CCNK: variants seen among roughly 807,000 people sequenced by gnomAD.
CCNK encodes the protein cyclin K.
A neutral mutation model predicts 65.0 loss-of-function variants in CCNK; 9 were observed. The ratio of observed to expected loss-of-function variants is 0.14; its 90% confidence interval spans 0.08 to 0.24. The LOEUF is 0.24. Ranked by LOEUF, CCNK falls within the 10% of genes least tolerant of loss-of-function variation. CCNK has a pLI of 1.00. For missense variants in CCNK, 474 were observed against 720.0 expected (o/e 0.66, Z 3.91); for synonymous variants, 279 against 270.8 (o/e 1.03, Z -0.30).
At chr14:99,494,852 C>T (rs984979982) in intron 3 of CCNK, 2 of 152,252 alleles carry the variant, frequency 1.3e-5, no homozygotes, top group African/African-American at 4.8e-5. Flanking sequence ...GTTTGTTCCT[C>T]ATAAAAGGGC....
In CCNK at chr14:99,507,112, C is replaced by G. The variant is rs901901957; in HGVS notation, c.1082C>G (p.Thr361Ser). ...PPPKIPKIET[T>S]HPPLPPAHPP... Reference sequence around the variant, plus strand: ...CCTAAAATCCCCAAAATTGAGACCACTCATCCACCGTTGCCTCCAGCCCAC... The same window carrying G: ...CCTAAAATCCCCAAAATTGAGACCAGTCATCCACCGTTGCCTCCAGCCCAC... The change falls in exon 10 of 11, where the codon ACT becomes AGT. Residue 361 changes from threonine to serine, a missense_variant. This residue lies in a region of CCNK where 229 missense variants were observed against 275.5 expected (regional missense o/e 0.83). Transcript: ENST00000389879. 3 of 1,612,528 alleles carry G rather than the reference C, an allele frequency of 1.9e-6. No individual in the cohort carries two copies. Among genetic ancestry groups the G allele is most frequent in the Non-Finnish European group, 2.5e-6 (3 of 1,178,714 alleles).
intron 1 of CCNK, among the ~76,000 whole-genome samples, chr14:99,482,417 C>T (rs1366948152): frequency 1.3e-5 from 2 of 152,150 alleles, no homozygotes; most frequent in Non-Finnish European, 2.9e-5. Context: ...TTAATAAGCC[C>T]TCTGTATTGC....
Position 99,510,845 on chromosome 14 carries a change from T to C in CCNK, c.*63T>C, listed in dbSNP as rs1897113518. 9.8e-6 allele frequency: 13 copies of C among 1,325,282 alleles called. No individual in the cohort carries two copies. Among genetic ancestry groups the C allele is most frequent in the Non-Finnish European group, 1.2e-5 (12 of 1,020,148 alleles). 82.1% of individuals were successfully genotyped at this position (1,325,282 alleles called of 1,614,324 possible). A position where few individuals can be genotyped will look rare whatever the true frequency, so the allele number is the denominator to read the frequency against. On this transcript the variant is annotated 3_prime_UTR_variant, in exon 11 of 11. Coordinates refer to ENST00000389879, the MANE Select transcript of CCNK (RefSeq NM_001099402.2). ...TTTTCTAATCGACTTGCAGAGTAGTTGAAGTGGGTAAGCAGCAGGGTACCT... is the reference window on the plus strand; with the variant it reads ...TTTTCTAATCGACTTGCAGAGTAGTCGAAGTGGGTAAGCAGCAGGGTACCT...
rs374722616 is a variant in CCNK at position 99,495,671 on chromosome 14, T to G, written c.411+42T>G. 11 of 1,575,244 alleles carry G rather than the reference T, an allele frequency of 7.0e-6. No individual in the cohort carries two copies. The African/African-American group carries it at 1.5e-4, about 21-fold the overall frequency. On this transcript the variant is annotated intron_variant, in intron 4 of 10. Transcript: ENST00000389879. ...CTTCCTGCCTTCTGGTCTTGATTCC[T>G]TATGGTAGTATTGTACAGTTCCACA...
chr14:99,495,554 A>G lies in CCNK; in HGVS notation c.336A>G (p.Lys112=), dbSNP rs1439389877. 2.5e-6 allele frequency: 4 copies of G among 1,613,664 alleles called. No individual in the cohort carries two copies. The Admixed American group carries it at 6.7e-5, about 27-fold the overall frequency. Residue 112 remains lysine (K), a synonymous_variant, in exon 4 of 11, where the codon AAA becomes AAG. Coordinates refer to ENST00000389879, the MANE Select transcript of CCNK (RefSeq NM_001099402.2). ...GGAAAGTAGAAGAAACACCAAAAAA[A>G]TGTAAAGATATCATCAAAACAGCTC... is the stretch of plus-strand genomic sequence containing the variant. The part of the protein sequence containing the change: ...LAGKVEETPK[K]CKDIIKTARS...
intron 1 of CCNK, among the ~76,000 whole-genome samples, chr14:99,490,348 A>T (rs1382680614): frequency 6.6e-6 from 1 of 152,240 alleles, no homozygotes; most frequent in Non-Finnish European, 1.5e-5. Flanking sequence ...TATGATGTGT[A>T]GTTAATAGTG....
chr14:99,504,034 C>A, intron 9 of CCNK: 1 of 371,116 alleles, frequency 2.7e-6, no homozygotes, highest in South Asian at 2.0e-5. Flanking sequence ...TGGTGTGCTG[C>A]CCGGACAGCA....
chr14:99,493,101 C>T, intron 2 of CCNK: 1 of 515,044 alleles, frequency 1.9e-6, no homozygotes, highest in Non-Finnish European at 3.4e-6. Flanking sequence ...ATATGAGGCA[C>T]CCATTAGGAT....
chr14:99,487,512 G>T (rs963732719), intron 1 of CCNK, among the ~76,000 whole-genome samples: 4 of 152,192 alleles, frequency 2.6e-5, no homozygotes, highest in African/African-American at 9.7e-5. Context: ...CCACTGCTCT[G>T]CGGCAGTGAG....
chr14:99,485,246 C>G (rs757885645), intron 1 of CCNK, among the ~76,000 whole-genome samples: 4 of 152,202 alleles, frequency 2.6e-5, no homozygotes, highest in Non-Finnish European at 4.4e-5. Context: ...AATATACTTA[C>G]GATTTATCCG....
intron 4 of CCNK, chr14:99,500,145 G>C (rs1196157058): frequency 6.6e-6 from 1 of 152,326 alleles, no homozygotes; most frequent in Non-Finnish European, 1.5e-5. Flanking sequence ...AGGTGATTTA[G>C]GTAGCATTTT....
Position 99,502,790 on chromosome 14 carries a change from C to T in CCNK, c.817C>T (p.Leu273=). ...GATGCCTCATCACACCCCCCATCAG[C>T]TGCAACAGCCCCCATCTCTTCAGCC... ...QQMPHHTPHQ[L]QQPPSLQPTP... is the part of the protein sequence containing the mutation. The change falls in exon 8 of 11, where the codon CTG becomes TTG. Residue 273 remains leucine, a synonymous_variant. Coordinates refer to ENST00000389879, the MANE Select transcript of CCNK (RefSeq NM_001099402.2). 1 of 1,613,848 alleles carries T rather than the reference C, an allele frequency of 6.2e-7. No homozygotes were observed. Among genetic ancestry groups the T allele is most frequent in the Non-Finnish European group, 8.5e-7 (1 of 1,179,838 alleles).
Position 99,511,573 on chromosome 14 carries a change from A to G in CCNK, c.*791A>G, listed in dbSNP as rs573384662. ...TCCAGGCCTTCGCAGTCTGTGGCTT[A>G]TAAAATGTGCAGAGGCCCTCCTTCC... On this transcript the variant is annotated 3_prime_UTR_variant, in exon 11 of 11. Transcript: ENST00000389879. 6.6e-6 allele frequency: 1 copy of G among 152,612 alleles called. No homozygotes were observed. Among genetic ancestry groups the G allele is most frequent in the South Asian group, 2.1e-4 (1 of 4,832 alleles). The allele number at this position is 152,612 out of a possible 1,614,324, so 9.5% of individuals were successfully genotyped here.
intron 1 of CCNK, among the ~76,000 whole-genome samples, chr14:99,485,469 G>A (rs1055250163): frequency 3.3e-5 from 5 of 152,020 alleles, no homozygotes; most frequent in African/African-American, 4.8e-5. Flanking sequence ...CATTCTCAGG[G>A]GAAGAAAGAG....
chr14:99,503,717 G>GT, intron 9 of CCNK, 73 bp downstream of exon 9: 1 of 1,334,080 alleles, frequency 7.5e-7, no homozygotes, highest in Non-Finnish European at 1.0e-6. Flanking sequence ...AGCCAACATT[G>GT]TTTCTTTTCA....
Position 99,511,092 on chromosome 14 carries a change from A to G in CCNK, c.*310A>G, listed in dbSNP as rs574365914. ...GACGTTAACCAGCCATATTGGCTCA[A>G]TAAATAGCTTCGGTAAGGAGTTAAT... On this transcript the variant is annotated 3_prime_UTR_variant, in exon 11 of 11. Coordinates refer to ENST00000389879, the MANE Select transcript of CCNK (RefSeq NM_001099402.2). 4.3e-5 allele frequency: 10 copies of G among 230,842 alleles called. No individual in the cohort carries two copies. Among genetic ancestry groups the G allele is most frequent in the Non-Finnish European group, 6.7e-5 (8 of 119,678 alleles). 14.3% of individuals were successfully genotyped at this position (230,842 alleles called of 1,614,324 possible).
chr14:99,496,481 C>G (rs1333956009), intron 4 of CCNK, among the ~76,000 whole-genome samples: 1 of 152,052 alleles, frequency 6.6e-6, no homozygotes, highest in East Asian at 1.9e-4. Flanking sequence ...GAGGCTGAGG[C>G]GGGCGGATCA....
chr14:99,502,389 C>T lies in CCNK; in HGVS notation c.745+13C>T, dbSNP rs1896854029. ...GACGTTTTGGAAGGTACCAGGCATG[C>T]TAAGCGTTCTCGTGAGGGTGTTCCA... On this transcript the variant is annotated intron_variant, in intron 7 of 10. Coordinates refer to ENST00000389879, the MANE Select transcript of CCNK (RefSeq NM_001099402.2). 1 of 1,611,776 alleles carries T rather than the reference C, an allele frequency of 6.2e-7. No individual in the cohort carries two copies. The highest frequency in any genetic ancestry group is 2.2e-5 in the East Asian group (1 of 44,864).
chr14:99,484,632 A>G (rs1237322766), intron 1 of CCNK, among the ~76,000 whole-genome samples: 2 of 152,252 alleles, frequency 1.3e-5, no homozygotes, highest in Non-Finnish European at 1.5e-5. Flanking sequence ...CCATCTGTGT[A>G]GCAGATCTAG....
Sources: gnomAD v4.1 joint callset for allele counts (sites outside exome capture counted in the v4.1 genomes callset) on GRCh38, gnomAD v4.1.1 for gene constraint, gnomAD v4.1.1 regional missense constraint, MANE v1.5 for transcripts, NCBI Gene and HGNC (gene_info 2026-07-23, HGNC 2026-07-21) for gene names.